RASGEF1A: variants seen among roughly 807,000 people sequenced by gnomAD.
The protein encoded by RASGEF1A is ras-GEF domain-containing family member 1A.
In RASGEF1A, 18 loss-of-function variants were observed where a neutral mutation model predicts 56.4. The observed-to-expected ratio is 0.32, with a 90% CI of 0.22 to 0.47. The LOEUF (loss-of-function observed/expected upper bound fraction) is 0.47, where lower values mean the gene tolerates loss of function less well. RASGEF1A is among the 20% of genes least tolerant of loss of function. RASGEF1A has a pLI of 1.00. For missense variants in RASGEF1A, 422 were observed against 627.1 expected, an observed-to-expected ratio of 0.67 and a Z score of 3.49; for synonymous variants, 245 against 242.6, an observed-to-expected ratio of 1.01 and a Z score of -0.09.
intron 1 of RASGEF1A, among the ~76,000 whole-genome samples, chr10:43,234,958 C>A (rs1024364935): frequency 1.3e-5 from 2 of 152,186 alleles, no homozygotes; most frequent in Non-Finnish European, 2.9e-5. Flanking sequence ...TGGTCAGTAC[C>A]CCTGGGCAGA....
chr10:43,239,349 C>G (rs750833913), intron 1 of RASGEF1A, among the ~76,000 whole-genome samples: 1 of 152,148 alleles, frequency 6.6e-6, no homozygotes, highest in Non-Finnish European at 1.5e-5. Flanking sequence ...AGAGACATCC[C>G]AGAAGTGCTT....
intron 1 of RASGEF1A, chr10:43,229,823 G>A (rs1840337740): frequency 1.9e-6 from 2 of 1,057,654 alleles, no homozygotes; most frequent in African/African-American, 1.7e-5. Flanking sequence ...GCTGGGCTGG[G>A]GACCGCGGGG....
At chr10:43,260,942 G>A (rs1022043722) in intron 1 of RASGEF1A, among the ~76,000 whole-genome samples, 8 of 152,032 alleles carry the variant, frequency 5.3e-5, no homozygotes, top group Non-Finnish European at 8.8e-5. Flanking sequence ...CACTGTAGTC[G>A]GAACACTTGG....
chr10:43,208,240 A>G, intron 1 of RASGEF1A: 1 of 985,416 alleles, frequency 1.0e-6, no homozygotes, highest in Non-Finnish European at 1.2e-6. Flanking sequence ...GTCATCAGAG[A>G]GGGCATTTGC....
rs11238473 is a variant in RASGEF1A, at chr10:43,196,845, C to G, written c.1348+131G>C. The G allele has an allele frequency of 2.7e-4, 313 of 1,151,962 alleles. 2 individuals are homozygous for G. The African/African-American group carries it at 4.3e-3, about 16-fold the overall frequency. The allele number at this position is 1,151,962 out of a possible 1,614,324, so 71.4% of individuals were successfully genotyped here. On this transcript the variant is annotated intron_variant, in intron 11 of 12. Coordinates refer to ENST00000395810, the MANE Select transcript of RASGEF1A (RefSeq NM_145313.4). This position sits in a 1 kb window ranked among gnomAD's most constrained non-coding sequence, Gnocchi z 4.6. ...CCACCCTCATGCACACTCGCCCCTGCGAGCAGAGCCAGCCCTGTGTGGCAT... is the reference window on the plus strand; with the variant it reads ...CCACCCTCATGCACACTCGCCCCTGGGAGCAGAGCCAGCCCTGTGTGGCAT...
chr10:43,200,348 G>T, intron 5 of RASGEF1A, 92 bp from the exon 6 acceptor site: 2 of 1,148,192 alleles, frequency 1.7e-6, no homozygotes, highest in Admixed American at 2.0e-5. Context: ...AGGAGGAGCT[G>T]CCCAGGGCAC....
intron 2 of RASGEF1A, chr10:43,203,889 TGGGGCGGGGCCTCATCAGCA>T (rs1281242773): frequency 5.2e-5 from 31 of 592,186 alleles, no homozygotes; most frequent in Admixed American, 1.3e-4. Context: ...GGCTGATCCA[TGGGGCGGGGCCTCATCAGCA>T]GGGGCGGGGC....
intron 1 of RASGEF1A, among the ~76,000 whole-genome samples, chr10:43,215,302 G>C (rs1840121242): frequency 6.6e-6 from 1 of 152,202 alleles, no homozygotes; most frequent in Non-Finnish European, 1.5e-5. Flanking sequence ...TTCTGAGGCA[G>C]CACGTGGGCT....
chr10:43,209,688 C>CA (rs1564531693), intron 1 of RASGEF1A, among the ~76,000 whole-genome samples: 2 of 143,026 alleles, frequency 1.4e-5, no homozygotes, highest in African/African-American at 4.9e-5. Flanking sequence ...GGAAGCCCCC[C>CA]CACCAGGGCT....
In RASGEF1A at chr10:43,196,480, G is replaced by A; in HGVS notation, c.1417C>T (p.Leu473Phe). The change falls in exon 12 of 13, where the codon CTC becomes TTC. Residue 473 changes from leucine to phenylalanine, a missense_variant. Around this residue, in one of 2 missense-constraint regions of RASGEF1A, gnomAD observed 149 missense variants for 287.2 expected, o/e 0.52. Coordinates refer to ENST00000395810, the MANE Select transcript of RASGEF1A (RefSeq NM_145313.4). The surrounding 1 kb of genome is among the most constrained non-coding windows in gnomAD (Gnocchi z 4.6). Reference sequence around the variant, plus strand: ...ATGTTCCTGACGCCCTCCTACCTGAGGGTCTTCCAGCTGTCTTTTTCCATG... The same window carrying A: ...ATGTTCCTGACGCCCTCCTACCTGAAGGTCTTCCAGCTGTCTTTTTCCATG... ...NHMEKDSWKT[L>F]RTTLLNRA The A allele has an allele frequency of 2.5e-6, 4 of 1,613,928 alleles. No individual in the cohort carries two copies. Among genetic ancestry groups the A allele is most frequent in the Non-Finnish European group, 3.4e-6 (4 of 1,179,926 alleles).
chr10:43,258,924 AT>A (rs1382791406), intron 1 of RASGEF1A, among the ~76,000 whole-genome samples: 1 of 152,160 alleles, frequency 6.6e-6, no homozygotes, highest in Non-Finnish European at 1.5e-5. Context: ...GCAGGGGCTG[AT>A]GTGCAGGCCC....
intron 1 of RASGEF1A, among the ~76,000 whole-genome samples, chr10:43,233,730 C>T (rs1440669535): frequency 6.6e-6 from 1 of 152,204 alleles, no homozygotes; most frequent in African/African-American, 2.4e-5. Flanking sequence ...TGAACACCGA[C>T]CACACCAGGC....
intron 1 of RASGEF1A, among the ~76,000 whole-genome samples, chr10:43,219,372 C>T (rs1840177675): frequency 2.6e-5 from 4 of 152,122 alleles, no homozygotes; most frequent in Admixed American, 2.6e-4. Context: ...CCTAGGGTGC[C>T]ACGGAGGAGG....
At chr10:43,221,888 G>A (rs1255972222) in intron 1 of RASGEF1A, among the ~76,000 whole-genome samples, 2 of 152,246 alleles carry the variant, frequency 1.3e-5, no homozygotes, top group Non-Finnish European at 2.9e-5. Flanking sequence ...ACAGGGCACA[G>A]CTGGAAGCCG....
chr10:43,251,090 C>T (rs1840623283), intron 1 of RASGEF1A, among the ~76,000 whole-genome samples: 1 of 152,202 alleles, frequency 6.6e-6, no homozygotes. Context: ...TGATGGAGGC[C>T]GGGAAGGTGC....
chr10:43,233,343 G>T (rs575626521), intron 1 of RASGEF1A, among the ~76,000 whole-genome samples: 1 of 152,288 alleles, frequency 6.6e-6, no homozygotes, highest in East Asian at 1.9e-4. Flanking sequence ...GACAGATACA[G>T]AGACACAAGT....
chr10:43,214,357 A>G (rs1840107152), intron 1 of RASGEF1A, among the ~76,000 whole-genome samples: 1 of 152,242 alleles, frequency 6.6e-6, no homozygotes, highest in African/African-American at 2.4e-5. Flanking sequence ...GAGACCCAAC[A>G]GAGCCACAGG....
chr10:43,219,522 C>T lies in RASGEF1A; in HGVS notation c.-6-13400G>A, dbSNP rs539789229. Among the ~76,000 whole-genome samples, 56 of 152,322 alleles carry T rather than the reference C, an allele frequency of 3.7e-4. 1 individual carries two copies. The highest frequency in any genetic ancestry group is 4.1e-4 in the South Asian group (2 of 4,824). ...CATCAGTTCTGGGCAGTGGCCAGGG[C>T]GCCTGCTGGCTCCAGTAGGAAGGCA... On this transcript the variant is annotated intron_variant, in intron 1 of 12. Transcript: ENST00000395810.
intron 1 of RASGEF1A, among the ~76,000 whole-genome samples, chr10:43,251,771 G>C (rs1840630025): frequency 6.6e-6 from 1 of 152,148 alleles, no homozygotes; most frequent in Non-Finnish European, 1.5e-5. Context: ...CTGCCTCCCT[G>C]TGCACAGCCA....
Sources: allele counts gnomAD v4.1 joint callset (sites outside exome capture counted in the v4.1 genomes callset), GRCh38; gene constraint gnomAD v4.1.1; regional missense constraint gnomAD v4.1.1; non-coding constraint Gnocchi (gnomAD v3.1); transcripts MANE v1.5; gene names NCBI Gene and HGNC (gene_info 2026-07-23, HGNC 2026-07-21).